The following SLC8A1 variants were observed in gnomAD, a reference collection of about 807,000 sequenced individuals.
SLC8A1 encodes sodium/calcium exchanger 1.
Under a neutral mutation model 68.3 loss-of-function variants are expected in SLC8A1, and 18 were observed. The observed-to-expected ratio is 0.26, with a 90% CI of 0.18 to 0.39. The LOEUF (loss-of-function observed/expected upper bound fraction) is 0.39. Among genes scored for constraint, SLC8A1 ranks in the 10% least tolerant of loss-of-function variants. The pLI, the probability that SLC8A1 is intolerant of heterozygous loss-of-function variation, is 1.00. For synonymous variants in SLC8A1, 475 were observed against 415.5 expected (o/e 1.14, Z -1.74); for missense variants, 985 against 1,156.7 (o/e 0.85, Z 2.15).
chr2:40,316,466 A>G (rs751680415), intron 2 of SLC8A1, among the ~76,000 whole-genome samples: 1 of 152,076 alleles, frequency 6.6e-6, no homozygotes, highest in Non-Finnish European at 1.5e-5. Context: ...TATTTGATAG[A>G]TAAGTTTGGT....
chr2:40,107,492 C>G (rs2034290253), exon 8 of SLC8A1: 1 of 151,426 alleles, frequency 6.6e-6, no homozygotes, highest in South Asian at 2.1e-4. Flanking sequence ...CTAATTGGCC[C>G]TAAAGATTTT....
At chr2:40,341,861 T>C (rs370681292) in intron 2 of SLC8A1, among the ~76,000 whole-genome samples, 5 of 152,320 alleles carry the variant, frequency 3.3e-5, no homozygotes, top group African/African-American at 1.2e-4. Context: ...CATTAATTCT[T>C]GTACTTGAAG....
At chr2:40,139,292 C>T in intron 7 of SLC8A1, 109 bp downstream of exon 10, 1 of 1,248,108 alleles carries the variant, frequency 8.0e-7, no homozygotes, top group Non-Finnish European at 1.1e-6. Context: ...TCTCGTCTTT[C>T]ATAGGTCTTG....
exon 2 of SLC8A1, chr2:40,429,356 C>T: frequency 1.9e-6 from 3 of 1,613,904 alleles, no homozygotes; most frequent in Non-Finnish European, 2.5e-6. Flanking sequence ...ACCTCCAGAA[C>T]CAGAGCACCA....
chr2:40,437,176 A>G (rs1280052618), intron 1 of SLC8A1, among the ~76,000 whole-genome samples: 2 of 152,202 alleles, frequency 1.3e-5, no homozygotes, highest in East Asian at 3.9e-4. Flanking sequence ...GCATTAAACT[A>G]TAACGATTTC....
At chr2:40,357,756 G>A (rs1390687891) in intron 2 of SLC8A1, among the ~76,000 whole-genome samples, 1 of 152,066 alleles carries the variant, frequency 6.6e-6, no homozygotes, top group African/African-American at 2.4e-5. Flanking sequence ...ATCACTGGAT[G>A]CTAATCAAAT....
At chr2:40,505,294 G>T (rs1282515393) in intron 1 of SLC8A1, among the ~76,000 whole-genome samples, 1 of 151,842 alleles carries the variant, frequency 6.6e-6, no homozygotes, top group African/African-American at 2.4e-5. Flanking sequence ...CAGGGTGACT[G>T]TAGTCAATAA....
chr2:40,479,991 G>T (rs943250555), intron 1 of SLC8A1, among the ~76,000 whole-genome samples: 1 of 152,050 alleles, frequency 6.6e-6, no homozygotes, highest in Non-Finnish European at 1.5e-5. Context: ...CTATGATAAG[G>T]TTTCCACAGT....
At chr2:40,149,313 T>A (rs2058693) in intron 6 of SLC8A1, among the ~76,000 whole-genome samples, 2 of 152,088 alleles carry the variant, frequency 1.3e-5, no homozygotes, top group Admixed American at 1.3e-4. Flanking sequence ...ATAAGATCCC[T>A]GATCTCATAG....
rs2063547666 is a variant in SLC8A1 at position 40,254,462 on chromosome 2, A to C, written c.1809-76607T>G. The C allele has an allele frequency of 2.6e-5, 3 of 115,556 alleles. No homozygotes were observed. In the South Asian group the frequency reaches 7.4e-4, roughly 28 times the overall value. 7.2% of individuals were successfully genotyped at this position (115,556 alleles called of 1,614,324 possible). On this transcript the variant is annotated intron_variant, in intron 2 of 7. Coordinates refer to ENST00000406785, the Ensembl canonical transcript of SLC8A1. ...TCAGACAGGTCATCAGAAAACATGAAGCTAAATGCAGTAAAGAATTACTCT... is the reference window on the plus strand; with the variant it reads ...TCAGACAGGTCATCAGAAAACATGACGCTAAATGCAGTAAAGAATTACTCT...
intron 1 of SLC8A1, among the ~76,000 whole-genome samples, chr2:40,432,835 T>C (rs1698630758): frequency 6.6e-6 from 1 of 151,940 alleles, no homozygotes; most frequent in Admixed American, 6.6e-5. Context: ...GGGGCAAGGG[T>C]GGAAACAAGG....
rs1179739847 is a variant in SLC8A1 at position 40,408,944 on chromosome 2, A to C, written c.1808+19529T>G. On this transcript the variant is annotated intron_variant, in intron 2 of 7. Coordinates refer to ENST00000406785, the Ensembl canonical transcript of SLC8A1. Reference sequence around the variant, plus strand: ...GAACAAAAGAAAGATAAGAGAAAAAAACAAAATTTTCTCGGTAACTGTAAC... The same window carrying C: ...GAACAAAAGAAAGATAAGAGAAAAACACAAAATTTTCTCGGTAACTGTAAC... 3.3e-5 allele frequency among the ~76,000 whole-genome samples: 5 copies of C among 152,206 alleles called. No individual in the cohort carries two copies. In the East Asian group the frequency reaches 9.6e-4, roughly 29 times the overall value.
intron 2 of SLC8A1, among the ~76,000 whole-genome samples, chr2:40,369,261 T>C (rs1198332230): frequency 6.6e-6 from 1 of 152,078 alleles, no homozygotes; most frequent in Admixed American, 6.6e-5. Flanking sequence ...ACCTACAGAA[T>C]AGGAGAAAAT....
At chr2:40,110,360 G>C (rs973589610) in exon 8 of SLC8A1, 2 of 152,196 alleles carry the variant, frequency 1.3e-5, no homozygotes, top group African/African-American at 2.4e-5. Context: ...AAGACAACAA[G>C]ATGGTTAGAA....
chr2:40,471,129 C>T (rs946533191), intron 1 of SLC8A1, among the ~76,000 whole-genome samples: 1 of 152,158 alleles, frequency 6.6e-6, no homozygotes, highest in Admixed American at 6.5e-5. Context: ...CAGCAAACCT[C>T]TGCCACTGCT....
intron 7 of SLC8A1, among the ~76,000 whole-genome samples, chr2:40,133,322 A>G (rs1445262959): frequency 6.6e-6 from 1 of 151,172 alleles, no homozygotes. Flanking sequence ...AAGTGTTGCA[A>G]TTTAAAAATG....
At chr2:40,125,113 TA>T (rs1485213616) in intron 7 of SLC8A1, among the ~76,000 whole-genome samples, 2 of 152,320 alleles carry the variant, frequency 1.3e-5, no homozygotes, top group African/African-American at 4.8e-5. Context: ...AAATATAGGT[TA>T]AAAATAGACA....
chr2:40,196,967 T>C (rs1185837217), intron 2 of SLC8A1, among the ~76,000 whole-genome samples: 2 of 152,044 alleles, frequency 1.3e-5, no homozygotes, highest in Non-Finnish European at 2.9e-5. Flanking sequence ...GTCTGTAGCA[T>C]ATTCTGCAGA....
intron 2 of SLC8A1, among the ~76,000 whole-genome samples, chr2:40,304,405 C>T (rs1279153344): frequency 6.6e-6 from 1 of 152,090 alleles, no homozygotes; most frequent in African/African-American, 2.4e-5. Context: ...TGTTAATTAC[C>T]ACATTATCAA....
Sources: gnomAD v4.1 joint callset for allele counts (sites outside exome capture counted in the v4.1 genomes callset) on GRCh38, gnomAD v4.1.1 for gene constraint, MANE v1.5 for transcripts, NCBI Gene and HGNC (gene_info 2026-07-23, HGNC 2026-07-21) for gene names.